The following RP1 variants were observed in gnomAD, a reference collection of about 807,000 sequenced individuals.
RP1 encodes oxygen-regulated protein 1.
Under a neutral mutation model 14.8 loss-of-function variants are expected in RP1, and 16 were observed. That is an observed-to-expected ratio of 1.08 (90% CI 0.73 to 1.65). The LOEUF is 1.65. RP1 is among the 40% of genes most tolerant of loss of function. The pLI is 0.00. For synonymous variants in RP1, 876 were observed against 883.6 expected (o/e 0.99, Z 0.15); for missense variants, 2,631 against 2,535.0 (o/e 1.04, Z -0.81).
chr8:54,697,276 C>T (rs1409726292), intron 12 of RP1: 18 of 570,942 alleles, frequency 3.2e-5, no homozygotes, highest in East Asian at 6.1e-5. Context: ...AGTACCTGGC[C>T]GGGCGTGATG....
intron 8 of RP1, among the ~76,000 whole-genome samples, chr8:54,676,666 T>C (rs1296752359): frequency 6.6e-6 from 1 of 152,208 alleles, no homozygotes; most frequent in Non-Finnish European, 1.5e-5. Flanking sequence ...CCATCTTTTC[T>C]AGTTTTCTAA....
At chr8:54,636,566 G>A (rs1024692643) in intron 3 of RP1, among the ~76,000 whole-genome samples, 18 of 152,032 alleles carry the variant, frequency 1.2e-4, no homozygotes, top group Admixed American at 7.2e-4. Flanking sequence ...GGTGAAACCC[G>A]TTCTTTACTA....
intron 24 of RP1, among the ~76,000 whole-genome samples, chr8:54,805,186 T>C (rs143489914): frequency 6.6e-6 from 1 of 152,196 alleles, no homozygotes; most frequent in African/African-American, 2.4e-5. Flanking sequence ...TTTATAAACA[T>C]CCCTGATTAT....
chr8:54,627,240 G>T lies in RP1; in HGVS notation c.3358G>T (p.Ala1120Ser), dbSNP rs375125004. ...GSLAGVPFHSAICNSSTNLLL... is the reference protein window; with the variant it reads ...GSLAGVPFHSSICNSSTNLLL... ...ACTTGCAGGTGTTCCCTTTCATTCTGCAATATGTAATTCATCCACTAATCT... is the reference window on the plus strand; with the variant it reads ...ACTTGCAGGTGTTCCCTTTCATTCTTCAATATGTAATTCATCCACTAATCT... The change falls in exon 4 of 4, where the codon GCA becomes TCA. Residue 1120 changes from alanine (A) to serine (S), a missense_variant. Physicochemically the swap from Ala to Ser is moderately conservative, Grantham distance 99 (BLOSUM62 1). Coordinates refer to ENST00000220676, the MANE Select transcript of RP1 (RefSeq NM_006269.2). 6.2e-7 allele frequency: 1 copy of T among 1,614,062 alleles called. No homozygotes were observed. The highest frequency in any genetic ancestry group is 8.5e-7 in the Non-Finnish European group (1 of 1,179,976).
chr8:54,701,081 T>G (rs16920650), intron 13 of RP1, among the ~76,000 whole-genome samples: 19,289 of 152,156 alleles, frequency 0.13, 3,189 homozygotes, highest in African/African-American at 0.38. Flanking sequence ...CATAACCTTC[T>G]CAATTTGTTT....
chr8:54,706,227 C>G (rs1005047567), intron 14 of RP1, among the ~76,000 whole-genome samples: 1 of 152,098 alleles, frequency 6.6e-6, no homozygotes, highest in Non-Finnish European at 1.5e-5. Flanking sequence ...TCATGCTGGC[C>G]TTTATACTGT....
chr8:54,799,713 T>C (rs879374804), intron 24 of RP1, among the ~76,000 whole-genome samples: 7 of 151,948 alleles, frequency 4.6e-5, no homozygotes, highest in Non-Finnish European at 1.0e-4. Context: ...ATAATCTGAG[T>C]CTCCCTTCAA....
chr8:54,747,915 A>G (rs977487510), intron 19 of RP1, among the ~76,000 whole-genome samples: 6 of 152,264 alleles, frequency 3.9e-5, no homozygotes, highest in Non-Finnish European at 7.3e-5. Flanking sequence ...CTCTTGGCCC[A>G]TGGCCTAATG....
intron 19 of RP1, among the ~76,000 whole-genome samples, chr8:54,741,088 G>A (rs146783774): frequency 5.8e-4 from 88 of 151,700 alleles, no homozygotes; most frequent in African/African-American, 2.1e-3. Flanking sequence ...AAATATTTTT[G>A]TATGACTGTA....
chr8:54,731,736 C>T (rs1021313722), intron 17 of RP1, among the ~76,000 whole-genome samples: 1 of 152,130 alleles, frequency 6.6e-6, no homozygotes, highest in Non-Finnish European at 1.5e-5. Flanking sequence ...ATCAAACAAA[C>T]AAGCTGAACA....
intron 3 of RP1, 95 bp from the exon 4 acceptor site, chr8:54,624,574 CT>C (rs1353592526): frequency 6.6e-6 from 8 of 1,214,200 alleles, no homozygotes; most frequent in Middle Eastern, 2.7e-4. Context: ...TTTTCTCTTT[CT>C]TTTTTTGCTG....
chr8:54,627,545 T>G lies in RP1; in HGVS notation c.3663T>G (p.Pro1221=). The change falls in exon 4 of 4, where the codon CCT becomes CCG. Residue 1221 remains proline (P), a synonymous_variant. Coordinates refer to ENST00000220676, the MANE Select transcript of RP1 (RefSeq NM_006269.2). The part of the protein sequence containing the change: ...NCSTVNIQSV[P]KCSENERTQG... The stretch of plus-strand genomic sequence containing the variant: ...CCACGGTCAACATTCAGAGTGTTCC[T>G]AAGTGCAGTGAAAATGAAAGAACAC... 1 of 1,614,186 alleles carries G rather than the reference T, an allele frequency of 6.2e-7. No homozygotes were observed. Among genetic ancestry groups the G allele is most frequent in the Non-Finnish European group, 8.5e-7 (1 of 1,179,998 alleles).
chr8:54,813,813 T>C (rs1156238161), intron 24 of RP1, among the ~76,000 whole-genome samples: 1 of 152,234 alleles, frequency 6.6e-6, no homozygotes. Context: ...TTCTATTTTT[T>C]GTTTTCCTAT....
In RP1 at chr8:54,620,977, C is replaced by A; in HGVS notation, c.11C>A (p.Thr4Asn). The A allele has an allele frequency of 6.2e-7, 1 of 1,614,078 alleles. No homozygotes were observed. Among genetic ancestry groups the A allele is most frequent in the Non-Finnish European group, 8.5e-7 (1 of 1,180,002 alleles). Residue 4 changes from threonine (T) to asparagine (N), a missense_variant, in exon 2 of 4, where the codon ACC (threonine) becomes AAC (asparagine). Transcript: ENST00000220676. The stretch of plus-strand genomic sequence containing the variant: ...TAGGTCTCAGCCAAAATGAGTGATA[C>A]CCCTTCTACTGGTTTTTCCATCATT... MSD[T>N]PSTGFSIIHP... is the part of the protein sequence containing the mutation.
intron 19 of RP1, among the ~76,000 whole-genome samples, chr8:54,748,958 T>C (rs1809293903): frequency 6.6e-6 from 1 of 152,192 alleles, no homozygotes; most frequent in Non-Finnish European, 1.5e-5. Flanking sequence ...ATCCAGTGTT[T>C]ATCTTACATC....
At chr8:54,674,783 A>G (rs1049970115) in intron 8 of RP1, among the ~76,000 whole-genome samples, 1 of 152,180 alleles carries the variant, frequency 6.6e-6, no homozygotes, top group African/African-American at 2.4e-5. Flanking sequence ...TATTCTATAG[A>G]CAATACAAAT....
intron 7 of RP1, among the ~76,000 whole-genome samples, chr8:54,669,181 GA>G (rs977099053): frequency 2.6e-5 from 4 of 151,400 alleles, no homozygotes; most frequent in African/African-American, 9.7e-5. Flanking sequence ...AAATTTACAA[GA>G]AAAAAAACAC....
intron 1 of RP1, among the ~76,000 whole-genome samples, chr8:54,586,652 A>G (rs1359193543): frequency 6.6e-6 from 1 of 152,102 alleles, no homozygotes; most frequent in Non-Finnish European, 1.5e-5. Flanking sequence ...CACCCAGTCG[A>G]GCTTCCTGGC....
At chr8:54,674,014 A>T (rs1807238604) in intron 8 of RP1, 2 of 1,064,346 alleles carry the variant, frequency 1.9e-6, no homozygotes, top group African/African-American at 3.2e-5. Flanking sequence ...AATACTGTGG[A>T]AAATTGGTAG....
Sources: gnomAD v4.1 joint callset for allele counts (sites outside exome capture counted in the v4.1 genomes callset) on GRCh38, gnomAD v4.1.1 for gene constraint, MANE v1.5 for transcripts, NCBI Gene and HGNC (gene_info 2026-07-23, HGNC 2026-07-21) for gene names.